The following SSH2 variants were observed in gnomAD, a reference collection of about 807,000 sequenced individuals.
SSH2 encodes the protein slingshot protein phosphatase 2.
Under a neutral mutation model 135.2 loss-of-function variants are expected in SSH2, and 37 were observed. The ratio of observed to expected loss-of-function variants is 0.27; its 90% CI spans 0.21 to 0.36. SSH2 has a LOEUF of 0.36. Ranked by LOEUF, SSH2 falls within the 10% of genes least tolerant of loss-of-function variation. The probability of loss-of-function intolerance (pLI) is 1.00; values close to 1 mark genes in which losing one functional copy is unlikely to be tolerated. For missense variants in SSH2, 1,408 were observed against 1,765.3 expected, an observed-to-expected ratio of 0.80 and a Z score of 3.63; for synonymous variants, 628 against 646.2, an observed-to-expected ratio of 0.97 and a Z score of 0.43.
intron 3 of SSH2, among the ~76,000 whole-genome samples, chr17:29,760,575 G>C (rs1312719542): frequency 6.6e-6 from 1 of 152,152 alleles, no homozygotes; most frequent in Non-Finnish European, 1.5e-5. Context: ...GAAGGTGTGC[G>C]TGCAGGCTTG....
intron 2 of SSH2, among the ~76,000 whole-genome samples, chr17:29,834,886 C>T (rs1228273090): frequency 2.0e-5 from 3 of 151,994 alleles, no homozygotes; most frequent in Non-Finnish European, 4.4e-5. Flanking sequence ...TTTACTTAAC[C>T]ATTCCCTCCT....
At chr17:29,736,076 G>A (rs913367901) in intron 3 of SSH2, among the ~76,000 whole-genome samples, 3 of 152,126 alleles carry the variant, frequency 2.0e-5, no homozygotes, top group African/African-American at 7.2e-5. Flanking sequence ...CAGCCTGGAC[G>A]ACAGAGTGAC....
chr17:29,920,358 T>C (rs1043019023), intron 1 of SSH2, among the ~76,000 whole-genome samples: 5 of 152,226 alleles, frequency 3.3e-5, no homozygotes, highest in Admixed American at 3.3e-4. Flanking sequence ...GGCCTTCTCT[T>C]TTTCTGGGCT....
intron 3 of SSH2, chr17:29,761,346 C>G: frequency 9.3e-7 from 1 of 1,078,304 alleles, no homozygotes; most frequent in Non-Finnish European, 1.1e-6. Flanking sequence ...GCGCAGGCTG[C>G]GCGTGCACCC....
At chr17:29,812,086 C>T (rs992589100) in intron 2 of SSH2, among the ~76,000 whole-genome samples, 42 of 151,176 alleles carry the variant, frequency 2.8e-4, no homozygotes, top group African/African-American at 9.5e-4. Context: ...AAGACTCATT[C>T]ATTAAACTGT....
At chr17:29,815,674 A>G (rs887715891) in intron 2 of SSH2, among the ~76,000 whole-genome samples, 2 of 152,186 alleles carry the variant, frequency 1.3e-5, no homozygotes, top group African/African-American at 2.4e-5. Context: ...AACAAGTGAA[A>G]GCCTCTGCTG....
rs1011873236 is a variant in SSH2, at chr17:29,625,942, A to G, written c.*4899T>C. ...TTGCATCTGATGAAGTACACGTTTC[A>G]TCTTCAAAATAAAAATTTATTCAAT... On this transcript the variant is annotated 3_prime_UTR_variant, in exon 16 of 16. Transcript: ENST00000540801. 1.2e-4 allele frequency: 19 copies of G among 152,644 alleles called. No individual in the cohort carries two copies. Among genetic ancestry groups the G allele is most frequent in the African/African-American group, 4.3e-4 (18 of 41,440 alleles). The allele number at this position is 152,644 out of a possible 1,614,324, so 9.5% of individuals were successfully genotyped here.
Position 29,632,052 on chromosome 17 carries a change from G to T in SSH2, c.3142C>A (p.Pro1048Thr). 1 of 1,614,232 alleles carries T rather than the reference G, an allele frequency of 6.2e-7. No individual in the cohort carries two copies. Among genetic ancestry groups the T allele is most frequent in the Non-Finnish European group, 8.5e-7 (1 of 1,180,048 alleles). Residue 1048 changes from proline to threonine, a missense_variant, in exon 16 of 16, where the codon CCC becomes ACC. Pro to Thr is a conservative substitution (Grantham distance 38, BLOSUM62 -1). This residue lies in a region of SSH2 where 1,080 missense variants were observed against 1,144.5 expected (regional missense o/e 0.94). Transcript: ENST00000540801. ...IIEYTHIVTS[P>T]NHTGPGSEIA... Reference sequence around the variant, plus strand: ...TCACTCCCTGGCCCAGTGTGATTGGGTGATGTAACTATGTGGGTATATTCA... The same window carrying T: ...TCACTCCCTGGCCCAGTGTGATTGGTTGATGTAACTATGTGGGTATATTCA...
intron 8 of SSH2, 132 bp from the exon 9 acceptor site, chr17:29,672,261 T>A (rs2037526080): frequency 1.6e-6 from 1 of 620,630 alleles, no homozygotes; most frequent in Non-Finnish European, 2.7e-6. Flanking sequence ...TCCTTGAAAG[T>A]CAAGATTCTC....
chr17:29,873,712 T>C (rs913311898), intron 1 of SSH2, among the ~76,000 whole-genome samples: 3 of 152,206 alleles, frequency 2.0e-5, no homozygotes, highest in East Asian at 1.9e-4. Context: ...ATATAGGACA[T>C]AGGGCCTGAA....
chr17:29,674,713 C>T (rs1195165832), intron 8 of SSH2, among the ~76,000 whole-genome samples: 1 of 152,036 alleles, frequency 6.6e-6, no homozygotes, highest in African/African-American at 2.4e-5. Context: ...TTTTGGCTTC[C>T]CTGGGCCACA....
At chr17:29,911,401 T>C (rs2066762633) in intron 1 of SSH2, among the ~76,000 whole-genome samples, 1 of 152,186 alleles carries the variant, frequency 6.6e-6, no homozygotes, top group African/African-American at 2.4e-5. Context: ...TTTTGCCCTA[T>C]ATGCTCACTT....
chr17:29,813,938 T>C (rs1303960270), intron 2 of SSH2, among the ~76,000 whole-genome samples: 1 of 149,262 alleles, frequency 6.7e-6, no homozygotes, highest in African/African-American at 2.5e-5. Flanking sequence ...AAGACCATCC[T>C]GGCTAACATG....
At chr17:29,787,224 C>T (rs1206503420) in intron 3 of SSH2, among the ~76,000 whole-genome samples, 1 of 152,162 alleles carries the variant, frequency 6.6e-6, no homozygotes, top group African/African-American at 2.4e-5. Context: ...TGGAATCATA[C>T]AGTATTTGAC....
At position 29,702,993 on chromosome 17, in the gene SSH2, T is replaced by C. The variant is rs1017949979; in HGVS notation, c.258A>G (p.Thr86=). 6.2e-7 allele frequency: 1 copy of C among 1,613,862 alleles called. No homozygotes were observed. Among genetic ancestry groups the C allele is most frequent in the African/African-American group, 1.3e-5 (1 of 74,926 alleles). ...TGTTCCGTCTGTGGCTGATTCTTGG[T>C]GTGGATGAGCCATTTCCCCGTGGTA... ...LFLPRGNGSS[T]PRISHRRNKH... is the part of the protein sequence containing the mutation. The change falls in exon 4 of 16, where the codon ACA becomes ACG. Residue 86 remains threonine, a synonymous_variant. Transcript: ENST00000540801.
At chr17:29,810,510 A>C (rs1339183582) in intron 2 of SSH2, among the ~76,000 whole-genome samples, 3 of 152,214 alleles carry the variant, frequency 2.0e-5, no homozygotes, top group Non-Finnish European at 2.9e-5. Flanking sequence ...TCTACAATTT[A>C]TTGTGGTATA....
intron 9 of SSH2, among the ~76,000 whole-genome samples, chr17:29,669,174 G>A (rs918018119): frequency 4.6e-5 from 7 of 151,906 alleles, no homozygotes; most frequent in Non-Finnish European, 8.8e-5. Context: ...GCTGGAGCCC[G>A]GGAGGTGGAG....
chr17:29,842,113 C>A (rs1488204119), intron 2 of SSH2, among the ~76,000 whole-genome samples: 1 of 141,476 alleles, frequency 7.1e-6, no homozygotes. Context: ...CTGGGCCCTA[C>A]TCACAGAGAT....
intron 12 of SSH2, among the ~76,000 whole-genome samples, chr17:29,654,657 T>C (rs1216443427): frequency 2.6e-5 from 4 of 152,218 alleles, no homozygotes; most frequent in East Asian, 1.9e-4. Context: ...AGAAACTTAG[T>C]AGGCATCAGC....
Sources: gnomAD v4.1 joint callset for allele counts (sites outside exome capture counted in the v4.1 genomes callset) on GRCh38, gnomAD v4.1.1 for gene constraint, gnomAD v4.1.1 regional missense constraint, MANE v1.5 for transcripts, NCBI Gene and HGNC (gene_info 2026-07-23, HGNC 2026-07-21) for gene names.